FHIT: variants seen among roughly 807,000 people sequenced by gnomAD.
The protein encoded by FHIT is bis(5'-adenosyl)-triphosphatase.
Under a neutral mutation model 17.9 loss-of-function variants are expected in FHIT, and 19 were observed. The observed-to-expected ratio is 1.06, with a 90% confidence interval of 0.74 to 1.56. The LOEUF is 1.56. FHIT is among the 40% of genes most tolerant of loss of function. The pLI is 0.00. For missense variants in FHIT, 248 were observed against 189.2 expected (o/e 1.31, Z -1.82); for synonymous variants, 81 against 69.7 (o/e 1.16, Z -0.81).
At chr3:61,088,039 CT>C (rs1471028602) in intron 2 of FHIT, among the ~76,000 whole-genome samples, 1 of 152,076 alleles carries the variant, frequency 6.6e-6, no homozygotes, top group Non-Finnish European at 1.5e-5. Flanking sequence ...TTAATAACTA[CT>C]TTTTGCTTTC....
At chr3:60,046,733 T>C (rs1701668420) in intron 5 of FHIT, among the ~76,000 whole-genome samples, 1 of 152,212 alleles carries the variant, frequency 6.6e-6, no homozygotes, top group Admixed American at 6.5e-5. Context: ...ATTTTGTCTG[T>C]AAACAGTGGG....
intron 8 of FHIT, among the ~76,000 whole-genome samples, chr3:59,895,380 G>C (rs1704025959): frequency 6.6e-6 from 1 of 152,178 alleles, no homozygotes; most frequent in Non-Finnish European, 1.5e-5. Flanking sequence ...CACTATAATA[G>C]CAGATATTAA....
intron 5 of FHIT, among the ~76,000 whole-genome samples, chr3:60,094,166 C>G (rs376391275): frequency 7.9e-4 from 121 of 152,258 alleles, no homozygotes; most frequent in African/African-American, 2.7e-3. Flanking sequence ...AGACTTTTCC[C>G]CATCTCAAGT....
intron 5 of FHIT, among the ~76,000 whole-genome samples, chr3:60,158,247 C>T (rs1040301702): frequency 1.2e-4 from 18 of 152,048 alleles, no homozygotes; most frequent in Non-Finnish European, 2.1e-4. Context: ...TGTCACAGAA[C>T]ATAAACAGCT....
At chr3:60,654,911 C>A (rs1468889445) in intron 4 of FHIT, among the ~76,000 whole-genome samples, 1 of 151,786 alleles carries the variant, frequency 6.6e-6, no homozygotes, top group Admixed American at 6.6e-5. Flanking sequence ...AAAAGAAAAG[C>A]AGTGAAGAAA....
intron 5 of FHIT, among the ~76,000 whole-genome samples, chr3:60,088,789 T>C (rs905016372): frequency 1.5e-5 from 2 of 131,412 alleles, no homozygotes; most frequent in African/African-American, 3.2e-5. Context: ...ACATAATTAA[T>C]TGGATAAGAA....
intron 7 of FHIT, among the ~76,000 whole-genome samples, chr3:60,001,653 G>A (rs1279584049): frequency 6.6e-6 from 1 of 152,134 alleles, no homozygotes; most frequent in African/African-American, 2.4e-5. Context: ...TAACTGTCAA[G>A]TAGTGGATGA....
chr3:59,809,280 C>T (rs912298147), intron 8 of FHIT, among the ~76,000 whole-genome samples: 5 of 152,054 alleles, frequency 3.3e-5, no homozygotes, highest in South Asian at 2.1e-4. Flanking sequence ...AGGACATCAA[C>T]GGAGGGCAGA....
intron 5 of FHIT, among the ~76,000 whole-genome samples, chr3:60,314,910 C>T (rs1335353829): frequency 6.6e-6 from 1 of 152,048 alleles, no homozygotes; most frequent in Admixed American, 6.6e-5. Flanking sequence ...ACAGTGAGAG[C>T]CTGTCTCTAT....
At chr3:61,029,691 C>T (rs974150206) in intron 3 of FHIT, among the ~76,000 whole-genome samples, 1 of 152,206 alleles carries the variant, frequency 6.6e-6, no homozygotes, top group East Asian at 1.9e-4. Context: ...AAGAGAATTA[C>T]ATTCTTATCA....
intron 8 of FHIT, among the ~76,000 whole-genome samples, chr3:59,806,238 G>C (rs1274290060): frequency 6.6e-6 from 1 of 151,984 alleles, no homozygotes; most frequent in African/African-American, 2.4e-5. Context: ...GTAAAGCCTA[G>C]GACATTACAT....
intron 5 of FHIT, among the ~76,000 whole-genome samples, chr3:60,409,739 G>C (rs1447557475): frequency 6.6e-6 from 1 of 152,108 alleles, no homozygotes; most frequent in Admixed American, 6.6e-5. Flanking sequence ...GAAAGGGACA[G>C]ATTATCATCA....
intron 4 of FHIT, among the ~76,000 whole-genome samples, chr3:60,801,368 C>T (rs946311202): frequency 1.4e-4 from 21 of 152,178 alleles, no homozygotes; most frequent in African/African-American, 2.4e-4. Context: ...GTTTCCACAG[C>T]GACAGCCCTA....
chr3:60,761,297 T>A (rs1484071301), intron 4 of FHIT, among the ~76,000 whole-genome samples: 1 of 152,130 alleles, frequency 6.6e-6, no homozygotes, highest in African/African-American at 2.4e-5. Context: ...AGAGACAGAA[T>A]GGGGTGTTAC....
At position 59,864,846 on chromosome 3, in the gene FHIT, C is replaced by T. The variant is rs1277279987; in HGVS notation, c.348+57500G>A. Among the ~76,000 whole-genome samples the T allele has an allele frequency of 5.4e-5, 8 of 149,064 alleles. No homozygotes were observed. In the East Asian group the frequency reaches 1.6e-3, roughly 29 times the overall value. On this transcript the variant is annotated intron_variant, in intron 8 of 9. Coordinates refer to ENST00000492590, the MANE Select transcript of FHIT (RefSeq NM_002012.4). ...AAAGAGAGAGAGAAAAAAAAAAAAA[C>T]ATTTTGCATGCTGTTCATTTAGAAG...
intron 4 of FHIT, among the ~76,000 whole-genome samples, chr3:60,558,521 T>C (rs772163010): frequency 1.3e-5 from 2 of 151,978 alleles, no homozygotes; most frequent in African/African-American, 2.4e-5. Context: ...GCATGGTCTT[T>C]GGAGTTCTAG....
At chr3:61,042,946 C>A (rs916006745) in intron 2 of FHIT, among the ~76,000 whole-genome samples, 1 of 151,956 alleles carries the variant, frequency 6.6e-6, no homozygotes, top group Non-Finnish European at 1.5e-5. Context: ...AGAACAGAAA[C>A]AAATTAAAAC....
chr3:60,644,386 A>G lies in FHIT; in HGVS notation c.-17-107407T>C, dbSNP rs574352035. 1.3e-4 allele frequency among the ~76,000 whole-genome samples: 20 copies of G among 152,300 alleles called. No homozygotes were observed. In the Middle Eastern group the frequency reaches 0.01, roughly 78 times the overall value. On this transcript the variant is annotated intron_variant, in intron 4 of 9. Transcript: ENST00000492590. ...AATATTGAAAATTTGAAATTGATTAATGTTGGTTCCTAAAGCAAATTATTT... is the reference window on the plus strand; with the variant it reads ...AATATTGAAAATTTGAAATTGATTAGTGTTGGTTCCTAAAGCAAATTATTT...
At chr3:61,244,574 T>G (rs749748580) in intron 1 of FHIT, among the ~76,000 whole-genome samples, 1 of 152,162 alleles carries the variant, frequency 6.6e-6, no homozygotes, top group Non-Finnish European at 1.5e-5. Context: ...TGACCTTCCT[T>G]CTGCCCTCTC....
Sources: allele counts gnomAD v4.1 joint callset (sites outside exome capture counted in the v4.1 genomes callset), GRCh38; gene constraint gnomAD v4.1.1; transcripts MANE v1.5; gene names NCBI Gene and HGNC (gene_info 2026-07-23, HGNC 2026-07-21).